The following TREM1 variants were observed in gnomAD, a reference collection of about 807,000 sequenced individuals.
TREM1 encodes triggering receptor expressed on monocytes 1.
Under a neutral mutation model 22.4 loss-of-function variants are expected in TREM1, and 16 were observed. The observed-to-expected ratio is 0.71, with a 90% CI of 0.48 to 1.08. TREM1 has a LOEUF of 1.08. Ranked by LOEUF, TREM1 falls within the 50% of genes least tolerant of loss-of-function variation. The pLI is 0.00. For synonymous variants in TREM1, 110 were observed against 111.6 expected, an observed-to-expected ratio of 0.99 and a Z score of 0.09; for missense variants, 283 against 282.9, an observed-to-expected ratio of 1.00 and a Z score of 0.00.
In TREM1 at chr6:41,281,042, G is replaced by A. The variant is rs768613848; in HGVS notation, c.518C>T (p.Thr173Ile). 8 of 1,614,136 alleles carry A rather than the reference G, an allele frequency of 5.0e-6. No individual in the cohort carries two copies. The highest frequency in any genetic ancestry group is 6.8e-6 in the Non-Finnish European group (8 of 1,180,060). ...CPLYTSPRTVTQAPPKSTADV... is the reference protein window; with the variant it reads ...CPLYTSPRTVIQAPPKSTADV... ...GGCAGTTGACTTGGGTGGAGCTTGG[G>A]TCACAGTTCTGGGGCTGGTATAGAG... Residue 173 changes from threonine (T) to isoleucine (I), a missense_variant, in exon 3 of 4, where the codon ACC becomes ATC. By Grantham distance (89) the Thr-to-Ile change is moderately conservative. Transcript: ENST00000244709.
At chr6:41,285,320 A>G (rs1181621676) in intron 1 of TREM1, among the ~76,000 whole-genome samples, 2 of 152,230 alleles carry the variant, frequency 1.3e-5, no homozygotes, top group African/African-American at 4.8e-5. Flanking sequence ...ATTATGTGCT[A>G]AGGGTTTTTA....
chr6:41,274,472 G>A lies in TREM1; in HGVS notation c.*1653C>T, dbSNP rs1767586747. 6.6e-6 allele frequency among the ~76,000 whole-genome samples: 1 copy of A among 152,118 alleles called. No individual in the cohort carries two copies. Among genetic ancestry groups the A allele is most frequent in the Admixed American group, 6.5e-5 (1 of 15,278 alleles). On this transcript the variant is annotated 3_prime_UTR_variant, in exon 4 of 4. Transcript: ENST00000244709. ...AATGCTGGGATTGCTAAAGTGTGGG[G>A]TTCCAGACCAGCAAGCTCAGCATTA...
At chr6:41,267,786 CT>C (rs1767369957), downstream of TREM1, 1 of 393,448 alleles carries the variant, frequency 2.5e-6, no homozygotes, top group East Asian at 3.6e-5. Context: ...AAAGTGTTTC[CT>C]TTAAAGTGGG....
downstream of TREM1, chr6:41,270,127 C>A (rs1210499361): frequency 6.6e-6 from 1 of 152,218 alleles, no homozygotes; most frequent in African/African-American, 2.4e-5. Context: ...GGCCTTCAGG[C>A]TGGAGGCATA....
intron 1 of TREM1, among the ~76,000 whole-genome samples, chr6:41,283,344 T>G (rs1768013889): frequency 1.3e-5 from 2 of 152,168 alleles, no homozygotes; most frequent in Admixed American, 1.3e-4. Flanking sequence ...GGAACGATCC[T>G]GTGTGGCTCT....
intron 1 of TREM1, among the ~76,000 whole-genome samples, chr6:41,285,918 C>T (rs555945961): frequency 1.2e-4 from 18 of 152,370 alleles, no homozygotes; most frequent in African/African-American, 4.3e-4. Flanking sequence ...TCGCTTTTAA[C>T]TCATATTGAC....
At chr6:41,268,613 C>A (rs77665544), downstream of TREM1, among the ~76,000 whole-genome samples, 5 of 152,136 alleles carry the variant, frequency 3.3e-5, no homozygotes, top group African/African-American at 1.2e-4. Flanking sequence ...AGAGGGGAAG[C>A]CCCACTGCCA....
Position 41,282,375 on chromosome 6 carries a change from C to G in TREM1, c.406+20G>C. ...TTCCTCACCTGGCCCTTCTTTCCCC[C>G]CAAGTCCCAGGCCACTCACCCTTGG... On this transcript the variant is annotated intron_variant, in intron 2 of 3. Transcript: ENST00000244709. The G allele has an allele frequency of 2.5e-6, 4 of 1,580,458 alleles. No homozygotes were observed. The highest frequency in any genetic ancestry group is 1.1e-5 in the South Asian group (1 of 87,406).
rs2113973394 is a variant in TREM1, at chr6:41,274,334, T to C, written c.*1791A>G. ...TATGCTCCAGGAGAATCTGATGCGG[T>C]GGCCTAAAGACCTCTGAAAAACATT... On this transcript the variant is annotated 3_prime_UTR_variant, in exon 4 of 4. Coordinates refer to ENST00000244709, the MANE Select transcript of TREM1 (RefSeq NM_018643.5). Among the ~76,000 whole-genome samples the C allele has an allele frequency of 6.6e-6, 1 of 152,264 alleles. No homozygotes were observed. Among genetic ancestry groups the C allele is most frequent in the African/African-American group, 2.4e-5 (1 of 41,544 alleles).
At chr6:41,269,330 C>T (rs1417616927), downstream of TREM1, among the ~76,000 whole-genome samples, 2 of 152,140 alleles carry the variant, frequency 1.3e-5, no homozygotes, top group Non-Finnish European at 2.9e-5. Context: ...TCATCTACTG[C>T]TATTGAAATT....
downstream of TREM1, among the ~76,000 whole-genome samples, chr6:41,269,242 AT>A (rs554388564): frequency 4.7e-4 from 71 of 152,270 alleles, no homozygotes; most frequent in Middle Eastern, 6.8e-3. Flanking sequence ...AGGAGGGGGA[AT>A]TGGCAGTGTT....
chr6:41,281,092 A>G lies in TREM1; in HGVS notation c.468T>C (p.Pro156=). 6.2e-7 allele frequency: 1 copy of G among 1,614,232 alleles called. No homozygotes were observed. Among genetic ancestry groups the G allele is most frequent in the Non-Finnish European group, 8.5e-7 (1 of 1,180,040 alleles). Residue 156 remains proline (P), a synonymous_variant, in exon 3 of 4, where the codon CCT becomes CCC. Coordinates refer to ENST00000244709, the MANE Select transcript of TREM1 (RefSeq NM_018643.5). The part of the protein sequence containing the change: ...NSTQNVYKIP[P]TTTKALCPLY... ...GTGGGCACAAGGCCTTAGTGGTGGT[A>G]GGAGGAATCTTATACACATTCTGGG...
downstream of TREM1, among the ~76,000 whole-genome samples, chr6:41,268,692 A>G (rs1483211494): frequency 1.3e-5 from 2 of 152,354 alleles, no homozygotes; most frequent in East Asian, 3.9e-4. Flanking sequence ...CAAGGCAGAG[A>G]GGGACCAAGA....
intron 3 of TREM1, chr6:41,279,971 G>A (rs1003504357): frequency 6.1e-6 from 6 of 978,200 alleles, no homozygotes; most frequent in Non-Finnish European, 7.3e-6. Context: ...TCTAAGAACA[G>A]GCCAATGGTT....
chr6:41,276,113 G>T lies in TREM1; in HGVS notation c.*12C>A. The T allele has an allele frequency of 6.2e-7, 1 of 1,607,346 alleles. No individual in the cohort carries two copies. Among genetic ancestry groups the T allele is most frequent in the Non-Finnish European group, 8.5e-7 (1 of 1,173,912 alleles). On this transcript the variant is annotated 3_prime_UTR_variant, in exon 4 of 4. Coordinates refer to ENST00000244709, the MANE Select transcript of TREM1 (RefSeq NM_018643.5). Reference sequence around the variant, plus strand: ...GCTGGAAGTCAGAGGACATTCTCGTGGGTTCGTGGGCCTAGGGTACAAATG... The same window carrying T: ...GCTGGAAGTCAGAGGACATTCTCGTTGGTTCGTGGGCCTAGGGTACAAATG...
intron 3 of TREM1, among the ~76,000 whole-genome samples, chr6:41,277,077 A>T (rs935189804): frequency 1.2e-4 from 18 of 152,040 alleles, no homozygotes; most frequent in African/African-American, 4.1e-4. Context: ...TAAAATAAAA[A>T]AAAAACAATC....
At chr6:41,277,907 C>CA (rs1048604755) in intron 3 of TREM1, among the ~76,000 whole-genome samples, 1 of 111,348 alleles carries the variant, frequency 9.0e-6, no homozygotes, top group Non-Finnish European at 1.8e-5. Context: ...TTCTTTTTGT[C>CA]TTTTTTTTTT....
At chr6:41,286,535 C>T in intron 1 of TREM1, 72 bp downstream of exon 1, 2 of 1,562,452 alleles carry the variant, frequency 1.3e-6, no homozygotes, top group East Asian at 2.2e-5. Context: ...TGCTCTGAAG[C>T]TTCAACAGAA....
intron 2 of TREM1, chr6:41,281,877 AC>A: frequency 6.1e-6 from 1 of 162,828 alleles, no homozygotes; most frequent in East Asian, 1.8e-4. Flanking sequence ...ACAAGGGGAC[AC>A]AAAATGAGCT....
Sources: allele counts gnomAD v4.1 joint callset (sites outside exome capture counted in the v4.1 genomes callset), GRCh38; gene constraint gnomAD v4.1.1; transcripts MANE v1.5; gene names NCBI Gene and HGNC (gene_info 2026-07-23, HGNC 2026-07-21).